The following MBD1 variants were observed in gnomAD, a reference collection of about 807,000 sequenced individuals.
MBD1 encodes the protein methyl-CpG binding domain protein 1, also known as methyl-CpG-binding domain protein 1.
A neutral mutation model predicts 82.6 loss-of-function variants in MBD1; 25 were observed. The observed-to-expected ratio is 0.30, with a 90% CI of 0.22 to 0.42. MBD1 has a LOEUF of 0.42. MBD1 is among the 10% of genes least tolerant of loss of function. The pLI is 1.00. For synonymous variants in MBD1, 301 were observed against 303.7 expected, an observed-to-expected ratio of 0.99 and a Z score of 0.09; for missense variants, 627 against 819.6, an observed-to-expected ratio of 0.76 and a Z score of 2.87.
At chr18:50,275,777 G>C (rs1323546654) in intron 7 of MBD1, 49 bp from the exon 8 acceptor site, 1 of 1,614,094 alleles carries the variant, frequency 6.2e-7, no homozygotes, top group Non-Finnish European at 8.5e-7. Context: ...ATGGGGCCAA[G>C]CCCATGGGGG....
Position 50,271,543 on chromosome 18 carries a change from AG to A in MBD1, c.1779-4del. On this transcript the variant is annotated splice_region_variant and splice_polypyrimidine_tract_variant and intron_variant, in intron 15 of 16. Coordinates refer to ENST00000269468, the MANE Select transcript of MBD1 (RefSeq NM_015846.4). ...CAGGTTTTTTAAGGTCTTTGGACCT[AG>A]GGAAAAGGGAGCAGGTCTGTATGTT... The A allele has an allele frequency of 1.2e-6, 2 of 1,614,098 alleles. No homozygotes were observed. Among genetic ancestry groups the A allele is most frequent in the Non-Finnish European group, 1.7e-6 (2 of 1,180,040 alleles).
chr18:50,274,911 G>T, intron 10 of MBD1, 66 bp downstream of exon 10: 1 of 1,536,282 alleles, frequency 6.5e-7, no homozygotes, highest in East Asian at 2.3e-5. Context: ...TCCAGCATCT[G>T]CTTCTTTGAA....
At chr18:50,275,419 C>T (rs765142146) in intron 8 of MBD1, 174 bp from the exon 9 acceptor site, 33 of 1,604,018 alleles carry the variant, frequency 2.1e-5, no homozygotes, top group African/African-American at 2.7e-5. Flanking sequence ...TCTCTGATGA[C>T]GGCGACGCAG....
chr18:50,274,110 C>A (rs2036763596), intron 11 of MBD1, 76 bp downstream of exon 11: 26 of 1,595,434 alleles, frequency 1.6e-5, no homozygotes, highest in Non-Finnish European at 2.2e-5. Flanking sequence ...ACCTACCAAG[C>A]CTGCCCACCA....
At position 50,274,260 on chromosome 18, in the gene MBD1, C is replaced by T; in HGVS notation, c.1072G>A (p.Asp358Asn). 1 of 1,614,132 alleles carries T rather than the reference C, an allele frequency of 6.2e-7. No individual in the cohort carries two copies. Among genetic ancestry groups the T allele is most frequent in the Non-Finnish European group, 8.5e-7 (1 of 1,180,034 alleles). Residue 358 changes from aspartate to asparagine, a missense_variant, in exon 11 of 17, where the codon GAC (aspartate) becomes AAC (asparagine). Asp to Asn is a conservative substitution (Grantham distance 23). Transcript: ENST00000269468. Reference protein sequence around the residue: ...MDCGRCDFCCDKPKFGGSNQK... With the variant: ...MDCGRCDFCCNKPKFGGSNQK... ...TTGCTGCCCCCGAATTTGGGCTTGT[C>T]GCAGCAGAAGTCGCAGCGGCCACAG...
intron 2 of MBD1, among the ~76,000 whole-genome samples, chr18:50,279,392 G>A (rs2148771986): frequency 6.6e-6 from 1 of 152,336 alleles, no homozygotes; most frequent in South Asian, 2.1e-4. Flanking sequence ...ACAGCCAACA[G>A]CATTGTAACT....
chr18:50,280,666 A>C (rs2149008894), intron 1 of MBD1, among the ~76,000 whole-genome samples: 1 of 151,794 alleles, frequency 6.6e-6, no homozygotes, highest in African/African-American at 2.4e-5. Context: ...TCACACTGGA[A>C]GCCTCCCATG....
At chr18:50,281,090 C>G in intron 1 of MBD1, 1 of 1,433,244 alleles carries the variant, frequency 7.0e-7, no homozygotes, top group Non-Finnish European at 9.4e-7. Flanking sequence ...CTTCAGATGC[C>G]CCGATGTCTC....
downstream of MBD1, chr18:50,267,535 G>A: frequency 8.5e-7 from 1 of 1,174,756 alleles, no homozygotes; most frequent in South Asian, 1.3e-5. Context: ...TGGATCAGAA[G>A]TCCAGTAACT....
At chr18:50,281,538 G>C (rs1599631385), upstream of MBD1, 1 of 574,200 alleles carries the variant, frequency 1.7e-6, no homozygotes, top group Admixed American at 3.2e-5. Context: ...CCGGAAGTCC[G>C]CTGCCTGCCT....
intron 1 of MBD1, 115 bp from the exon 2 acceptor site, chr18:50,280,132 G>A: frequency 1.0e-6 from 1 of 982,540 alleles, no homozygotes; most frequent in East Asian, 2.6e-5. Flanking sequence ...CCTAGGACCT[G>A]CCACAGGCAA....
In MBD1 at chr18:50,269,035, TA is replaced by T; in HGVS notation, c.*815del. 1.0e-6 allele frequency: 1 copy of T among 986,334 alleles called. No individual in the cohort carries two copies. The highest frequency in any genetic ancestry group is 4.7e-5 in the South Asian group (1 of 21,362). 61.1% of individuals were successfully genotyped at this position (986,334 alleles called of 1,614,324 possible). A position where few individuals can be genotyped will look rare whatever the true frequency, so the allele number is the denominator to read the frequency against. ...AAGTTGGAAATCCATTCACCATTTGTAATACATATTGATGCATTTAATAAAA... is the reference window on the plus strand; with the variant it reads ...AAGTTGGAAATCCATTCACCATTTGTATACATATTGATGCATTTAATAAAA... On this transcript the variant is annotated 3_prime_UTR_variant, in exon 17 of 17. Transcript: ENST00000269468.
chr18:50,271,400 C>T, intron 16 of MBD1, 69 bp downstream of exon 16: 2 of 1,612,110 alleles, frequency 1.2e-6, no homozygotes, highest in East Asian at 4.5e-5. Flanking sequence ...CAAGCCCTGG[C>T]AACCAATCTA....
intron 8 of MBD1, 37 bp downstream of exon 8, chr18:50,275,563 C>T (rs756876989): frequency 1.2e-6 from 2 of 1,614,070 alleles, no homozygotes; most frequent in South Asian, 1.1e-5. Flanking sequence ...ACGATTTTAA[C>T]AGCAGAATGA....
At chr18:50,275,319 G>A in intron 8 of MBD1, 74 bp from the exon 9 acceptor site, 1 of 1,610,256 alleles carries the variant, frequency 6.2e-7, no homozygotes, top group African/African-American at 1.3e-5. Flanking sequence ...CACCCTAAGT[G>A]CAGAAAGCAT....
chr18:50,271,620 T>C, intron 15 of MBD1, 80 bp from the exon 16 acceptor site: 2 of 1,454,300 alleles, frequency 1.4e-6, no homozygotes, highest in Non-Finnish European at 9.7e-7. Context: ...CATTTCCTAC[T>C]ATTCTGTGTC....
Position 50,276,643 on chromosome 18 carries a change from T to C in MBD1, c.475+19A>G. 14 of 1,613,690 alleles carry C rather than the reference T, an allele frequency of 8.7e-6. No individual in the cohort carries two copies. Among genetic ancestry groups the C allele is most frequent in the Non-Finnish European group, 1.2e-5 (14 of 1,179,704 alleles). ...CCAGCTCCTATCTCCCGATGCCCCA[T>C]CCTCTGGAGGCCACTCACCTCGACA... On this transcript the variant is annotated intron_variant, in intron 5 of 16. Coordinates refer to ENST00000269468, the MANE Select transcript of MBD1 (RefSeq NM_015846.4).
chr18:50,271,684 C>A, intron 15 of MBD1, 144 bp from the exon 16 acceptor site: 1 of 914,298 alleles, frequency 1.1e-6, no homozygotes. Flanking sequence ...CTTCTAAAAA[C>A]TACCATTATA....
intron 2 of MBD1, among the ~76,000 whole-genome samples, chr18:50,277,822 A>G (rs916896136): frequency 6.6e-6 from 1 of 152,132 alleles, no homozygotes; most frequent in Non-Finnish European, 1.5e-5. Flanking sequence ...TACTTTTTCC[A>G]AAGGGAAAGC....
Sources: gnomAD v4.1 joint callset for allele counts (sites outside exome capture counted in the v4.1 genomes callset) on GRCh38, gnomAD v4.1.1 for gene constraint, MANE v1.5 for transcripts, NCBI Gene and HGNC (gene_info 2026-07-23, HGNC 2026-07-21) for gene names.